Variants in ANKAR observed in about 807,000 individuals in gnomAD.
The protein encoded by ANKAR is ankyrin and armadillo repeat containing.
A neutral mutation model predicts 146.2 loss-of-function variants in ANKAR; 136 were observed. The observed-to-expected ratio is 0.93, with a 90% CI of 0.81 to 1.07. The LOEUF (loss-of-function observed/expected upper bound fraction) is 1.07. Ranked by LOEUF, ANKAR falls within the 50% of genes least tolerant of loss-of-function variation. The probability of loss-of-function intolerance (pLI) is 0.00; values close to 1 mark genes in which losing one functional copy is unlikely to be tolerated. For missense variants in ANKAR, 1,567 were observed against 1,679.9 expected, an observed-to-expected ratio of 0.93 and a Z score of 1.18; for synonymous variants, 500 against 575.8, an observed-to-expected ratio of 0.87 and a Z score of 1.88.
chr2:189,730,951 A>G (rs1035965243), intron 16 of ANKAR, among the ~76,000 whole-genome samples: 1 of 152,220 alleles, frequency 6.6e-6, no homozygotes, highest in Non-Finnish European at 1.5e-5. Context: ...ATCAGTTGCT[A>G]AAACTGGGCG....
chr2:189,705,176 C>A lies in ANKAR; in HGVS notation c.1862C>A (p.Ala621Asp), dbSNP rs765486689. 6.2e-6 allele frequency: 10 copies of A among 1,613,942 alleles called. No individual in the cohort carries two copies. The Admixed American group carries it at 1.0e-4, about 16-fold the overall frequency. The change falls in exon 8 of 23, where the codon GCT becomes GAT. Residue 621 changes from alanine (A) to aspartate (D), a missense_variant. Ala to Asp is a moderately radical substitution (Grantham distance 126, BLOSUM62 -2). Transcript: ENST00000684021. ...TATGACAACGTTTGCATCATTATTG[C>A]TCTCTGTAGGAAGGATCCTAGTTTG... is the stretch of plus-strand genomic sequence containing the variant. The part of the protein sequence containing the change: ...AFYDNVCIII[A>D]LCRKDPSLLE...
intron 10 of ANKAR, among the ~76,000 whole-genome samples, chr2:189,712,351 G>A (rs989206282): frequency 1.3e-5 from 2 of 152,192 alleles, no homozygotes; most frequent in East Asian, 1.9e-4. Flanking sequence ...AGTAGGGGCC[G>A]ACTGACACCT....
chr2:189,680,497 C>T (rs184422673), intron 2 of ANKAR, among the ~76,000 whole-genome samples: 130 of 151,490 alleles, frequency 8.6e-4, no homozygotes, highest in Non-Finnish European at 1.7e-3. Context: ...TTGGTTTGTT[C>T]CTGTTTCTCT....
At chr2:189,751,514 G>A (rs566468009), downstream of ANKAR, among the ~76,000 whole-genome samples, 30 of 144,616 alleles carry the variant, frequency 2.1e-4, no homozygotes, top group Admixed American at 7.3e-4. Flanking sequence ...GCGTGATCTC[G>A]GCTTACTGTA....
chr2:189,717,706 G>C (rs2040666734), intron 10 of ANKAR, among the ~76,000 whole-genome samples: 1 of 152,180 alleles, frequency 6.6e-6, no homozygotes, highest in African/African-American at 2.4e-5. Flanking sequence ...ATCAATGATA[G>C]ACTGGATTAA....
Position 189,746,573 on chromosome 2 carries a change from G to C in ANKAR, c.4251G>C (p.Leu1417Phe). 6.2e-7 allele frequency: 1 copy of C among 1,613,120 alleles called. No homozygotes were observed. Among genetic ancestry groups the C allele is most frequent in the Non-Finnish European group, 8.5e-7 (1 of 1,179,796 alleles). The change falls in exon 23 of 23, where the codon TTG becomes TTC. Residue 1417 changes from leucine to phenylalanine, a missense_variant. By Grantham distance (22) the Leu-to-Phe change is conservative (BLOSUM62 0). Transcript: ENST00000684021. ...TNVSRPRIVC[L>F]NQLGKHVQKA... The stretch of plus-strand genomic sequence containing the variant: ...TATCAAGACCAAGAATAGTGTGTTT[G>C]AACCAACTTGGGAAACATGTCCAGA...
chr2:189,743,521 G>A, intron 21 of ANKAR, 47 bp downstream of exon 21: 1 of 1,533,884 alleles, frequency 6.5e-7, no homozygotes, highest in Non-Finnish European at 9.0e-7. Context: ...ATCGATAGAG[G>A]AGACTTTAAT....
intron 2 of ANKAR, among the ~76,000 whole-genome samples, chr2:189,686,269 C>T (rs2035584244): frequency 1.3e-5 from 2 of 152,118 alleles, no homozygotes; most frequent in Admixed American, 6.6e-5. Flanking sequence ...ATCATTTACA[C>T]TTTAGAGCAT....
chr2:189,676,588 C>T lies in ANKAR; in HGVS notation c.98C>T (p.Ala33Val), dbSNP rs1559045268. ...ENLAIQRNAS[A>V]FFEKYDRSEI... Reference sequence around the variant, plus strand: ...TTAGCAATACAAAGAAATGCATCTGCTTTTTTTGAAAAATATGATCGGAGT... The same window carrying T: ...TTAGCAATACAAAGAAATGCATCTGTTTTTTTTGAAAAATATGATCGGAGT... Residue 33 changes from alanine (A) to valine (V), a missense_variant, in exon 2 of 23, where the codon GCT (alanine) becomes GTT (valine). Transcript: ENST00000684021. 1 of 1,612,758 alleles carries T rather than the reference C, an allele frequency of 6.2e-7. No individual in the cohort carries two copies. The highest frequency in any genetic ancestry group is 2.2e-5 in the East Asian group (1 of 44,888).
At position 189,677,009 on chromosome 2, in the gene ANKAR, A is replaced by G; in HGVS notation, c.519A>G (p.Glu173=). ...AAGAAAAACGAGCTAGATTCTCTGA[A>G]TTGTGGCGTGCCATCATGGACATTG... is the stretch of plus-strand genomic sequence containing the variant. ...MPKEKRARFS[E]LWRAIMDIDP... is the part of the protein sequence containing the mutation. The change falls in exon 2 of 23, where the codon GAA becomes GAG. Residue 173 remains glutamate, a synonymous_variant. Transcript: ENST00000684021. 1 of 1,613,064 alleles carries G rather than the reference A, an allele frequency of 6.2e-7. No individual in the cohort carries two copies. Among genetic ancestry groups the G allele is most frequent in the Non-Finnish European group, 8.5e-7 (1 of 1,179,868 alleles).
rs190702783 is a variant in ANKAR at position 189,739,723 on chromosome 2, C to T, written c.3700+1041C>T. 2.6e-3 allele frequency among the ~76,000 whole-genome samples: 394 copies of T among 152,052 alleles called. 1 individual carries two copies. The highest frequency in any genetic ancestry group is 2.6e-3 in the Non-Finnish European group (175 of 67,972). On this transcript the variant is annotated intron_variant, in intron 19 of 22. Coordinates refer to ENST00000684021, the MANE Select transcript of ANKAR (RefSeq NM_001378068.1). The stretch of plus-strand genomic sequence containing the variant: ...GGACTACAAGCATGCACCACCAAGG[C>T]CAGCTAGTTTTTGTATTTTTAGTAG...
chr2:189,755,902 TGCTG>T, intron 18 of ANKAR, among the ~76,000 whole-genome samples: 1 of 152,340 alleles, frequency 6.6e-6, no homozygotes, highest in African/African-American at 2.4e-5. Flanking sequence ...TTAATTTCCT[TGCTG>T]ACAGAAGATT....
Position 189,702,921 on chromosome 2 carries a change from C to G in ANKAR, c.1709-2102C>G, listed in dbSNP as rs183213536. ...GAAGGTGTCAGAGAGCAGGAATAGT[C>G]CAGGGTGGACAGATAATTCATCATT... is the stretch of plus-strand genomic sequence containing the variant. On this transcript the variant is annotated intron_variant, in intron 7 of 22. Coordinates refer to ENST00000684021, the MANE Select transcript of ANKAR (RefSeq NM_001378068.1). Among the ~76,000 whole-genome samples, 4 of 152,064 alleles carry G rather than the reference C, an allele frequency of 2.6e-5. No homozygotes were observed. In the South Asian group the frequency reaches 8.3e-4, roughly 32 times the overall value.
chr2:189,752,637 G>A (rs745642942), intron 18 of ANKAR: 2 of 1,612,952 alleles, frequency 1.2e-6, no homozygotes, highest in East Asian at 4.5e-5. Context: ...TAAAGATCAT[G>A]AATGATACCA....
chr2:189,718,090 A>AAGAT (rs2040736643), intron 10 of ANKAR, among the ~76,000 whole-genome samples: 1 of 152,030 alleles, frequency 6.6e-6, no homozygotes, highest in South Asian at 2.1e-4. Context: ...GTATAATAAA[A>AAGAT]AAATAAAATA....
intron 18 of ANKAR, chr2:189,753,842 CA>C (rs2045662303): frequency 6.7e-7 from 1 of 1,489,276 alleles, no homozygotes; most frequent in African/African-American, 1.4e-5. Flanking sequence ...ATCCTAAACA[CA>C]AGGTCAAGGT....
intron 7 of ANKAR, among the ~76,000 whole-genome samples, chr2:189,704,192 A>G (rs1461805797): frequency 6.7e-6 from 1 of 149,794 alleles, no homozygotes; most frequent in Non-Finnish European, 1.5e-5. Context: ...CCCAGGCTGG[A>G]GTGCAGTGGC....
chr2:189,733,618 A>G (rs1332029601), intron 17 of ANKAR, among the ~76,000 whole-genome samples: 1 of 152,162 alleles, frequency 6.6e-6, no homozygotes, highest in African/African-American at 2.4e-5. Context: ...CTATTATGGA[A>G]GGATAATTTT....
At chr2:189,758,471 G>A (rs995883888) in intron 18 of ANKAR, among the ~76,000 whole-genome samples, 1 of 152,050 alleles carries the variant, frequency 6.6e-6, no homozygotes, top group Non-Finnish European at 1.5e-5. Context: ...TTTGCCTTCC[G>A]CCATGAGTAA....
Sources: allele counts gnomAD v4.1 joint callset (sites outside exome capture counted in the v4.1 genomes callset), GRCh38; gene constraint gnomAD v4.1.1; transcripts MANE v1.5; gene names NCBI Gene and HGNC (gene_info 2026-07-23, HGNC 2026-07-21).